The following ME3 variants were observed in gnomAD, a reference collection of about 807,000 sequenced individuals.
The protein encoded by ME3 is NADP-dependent malic enzyme, mitochondrial.
Under a neutral mutation model 68.9 loss-of-function variants are expected in ME3, and 48 were observed. The ratio of observed to expected loss-of-function variants is 0.70; its 90% CI spans 0.55 to 0.89. The LOEUF is 0.89. Among genes scored for constraint, ME3 ranks in the 40% least tolerant of loss-of-function variants. ME3 has a pLI of 0.00. For missense variants in ME3, 675 were observed against 797.4 expected, an observed-to-expected ratio of 0.85 and a Z score of 1.85; for synonymous variants, 320 against 318.8, an observed-to-expected ratio of 1.00 and a Z score of -0.04.
At chr11:86,547,499 G>A (rs1956436817) in intron 4 of ME3, among the ~76,000 whole-genome samples, 1 of 151,958 alleles carries the variant, frequency 6.6e-6, no homozygotes, top group African/African-American at 2.4e-5. Context: ...GGGGTTGGGG[G>A]AGTGATAGCA....
At chr11:86,483,537 G>T (rs922364611) in intron 7 of ME3, among the ~76,000 whole-genome samples, 1 of 151,076 alleles carries the variant, frequency 6.6e-6, no homozygotes, top group Non-Finnish European at 1.5e-5. Context: ...AGGGGAAAGA[G>T]AGAGAGAGAA....
chr11:86,560,815 A>G (rs1417147850), intron 2 of ME3, among the ~76,000 whole-genome samples: 2 of 146,640 alleles, frequency 1.4e-5, no homozygotes, highest in Admixed American at 6.9e-5. Context: ...TTTAGTCATC[A>G]TGTCTCCTTA....
intron 5 of ME3, among the ~76,000 whole-genome samples, chr11:86,499,307 A>G (rs1952567496): frequency 6.6e-6 from 1 of 152,186 alleles, no homozygotes; most frequent in South Asian, 2.1e-4. Flanking sequence ...ATGTCTAGCC[A>G]AGGAGAGCCC....
At chr11:86,563,279 A>G (rs1481582311) in intron 2 of ME3, among the ~76,000 whole-genome samples, 1 of 152,094 alleles carries the variant, frequency 6.6e-6, no homozygotes, top group Non-Finnish European at 1.5e-5. Flanking sequence ...TTTACATTAC[A>G]TTTACATTTA....
At chr11:86,661,625 CCATCTT>C (rs1946283370) in intron 2 of ME3, among the ~76,000 whole-genome samples, 1 of 152,212 alleles carries the variant, frequency 6.6e-6, no homozygotes. Flanking sequence ...TTCTCCTCCA[CCATCTT>C]CATCTACCAC....
chr11:86,603,220 A>G (rs1470425721), intron 2 of ME3, among the ~76,000 whole-genome samples: 3 of 152,182 alleles, frequency 2.0e-5, no homozygotes, highest in Admixed American at 6.5e-5. Flanking sequence ...GCTAATATCC[A>G]GAATCTACAA....
Position 86,589,584 on chromosome 11 carries a change from C to G in ME3, c.184-29761G>C, listed in dbSNP as rs372629842. Among the ~76,000 whole-genome samples, 7 of 152,320 alleles carry G rather than the reference C, an allele frequency of 4.6e-5. No individual in the cohort carries two copies. In the East Asian group the frequency reaches 1.3e-3, roughly 29 times the overall value. On this transcript the variant is annotated intron_variant, in intron 2 of 14. Coordinates refer to ENST00000543262, the Ensembl canonical transcript of ME3. Reference sequence around the variant, plus strand: ...GTGGTTTAATCCAGCTTTCATGATACTCATCTGTCTTAGACATTGGTCTTC... The same window carrying G: ...GTGGTTTAATCCAGCTTTCATGATAGTCATCTGTCTTAGACATTGGTCTTC...
At chr11:86,630,780 C>A (rs1346286671) in intron 2 of ME3, among the ~76,000 whole-genome samples, 1 of 152,200 alleles carries the variant, frequency 6.6e-6, no homozygotes, top group Admixed American at 6.5e-5. Context: ...ACATTAGAAA[C>A]CCGAGTCAGG....
At chr11:86,440,663 C>G (rs972089782), downstream of ME3, among the ~76,000 whole-genome samples, 1 of 152,218 alleles carries the variant, frequency 6.6e-6, no homozygotes, top group Non-Finnish European at 1.5e-5. Context: ...GTTAGCCACT[C>G]AGCCTTCACA....
intron 2 of ME3, among the ~76,000 whole-genome samples, chr11:86,626,488 A>T (rs1943673837): frequency 6.6e-6 from 1 of 152,194 alleles, no homozygotes. Context: ...CCCTCTCCTC[A>T]GAAGTCTGGG....
chr11:86,632,959 G>C (rs1012524457), intron 2 of ME3, among the ~76,000 whole-genome samples: 2 of 152,312 alleles, frequency 1.3e-5, no homozygotes, highest in Middle Eastern at 3.4e-3. Flanking sequence ...CAGCTGGATG[G>C]CAGCACTTAG....
intron 2 of ME3, among the ~76,000 whole-genome samples, chr11:86,630,891 G>A (rs534719954): frequency 6.6e-6 from 1 of 152,258 alleles, no homozygotes; most frequent in Admixed American, 6.5e-5. Flanking sequence ...CTAATCAGGA[G>A]CCCCTGAGGA....
chr11:86,458,076 A>C (rs561783831), intron 8 of ME3, among the ~76,000 whole-genome samples: 1 of 152,292 alleles, frequency 6.6e-6, no homozygotes, highest in East Asian at 1.9e-4. Flanking sequence ...CTGGATCCCT[A>C]TTGGGACAGA....
At chr11:86,631,469 C>T (rs987680614) in intron 2 of ME3, among the ~76,000 whole-genome samples, 5 of 152,138 alleles carry the variant, frequency 3.3e-5, no homozygotes, top group South Asian at 4.2e-4. Context: ...ATAAGAAAAC[C>T]GTGGGCAATG....
At chr11:86,540,941 G>C (rs1052715413) in intron 4 of ME3, among the ~76,000 whole-genome samples, 3 of 152,174 alleles carry the variant, frequency 2.0e-5, no homozygotes, top group Non-Finnish European at 4.4e-5. Context: ...GAGGTACCTG[G>C]CTCATCTCAT....
chr11:86,561,349 G>A (rs1957225056), intron 2 of ME3, among the ~76,000 whole-genome samples: 1 of 152,108 alleles, frequency 6.6e-6, no homozygotes, highest in East Asian at 1.9e-4. Flanking sequence ...TCAGAGCATG[G>A]TATTAGAAGG....
intron 7 of ME3, among the ~76,000 whole-genome samples, chr11:86,467,611 A>G (rs1950546149): frequency 6.6e-6 from 1 of 151,994 alleles, no homozygotes; most frequent in African/African-American, 2.4e-5. Context: ...AGACAACAAA[A>G]CAATGTGATG....
chr11:86,589,520 G>A (rs1464654016), intron 2 of ME3, among the ~76,000 whole-genome samples: 2 of 152,156 alleles, frequency 1.3e-5, no homozygotes, highest in Admixed American at 6.5e-5. Flanking sequence ...GTGGGAAAAG[G>A]CATGTCAGGA....
chr11:86,477,185 T>C (rs896305951), intron 7 of ME3, among the ~76,000 whole-genome samples: 9 of 152,168 alleles, frequency 5.9e-5, no homozygotes, highest in African/African-American at 2.2e-4. Flanking sequence ...AGTCACTCGT[T>C]GATAAGTGTT....
Sources: allele counts gnomAD v4.1 joint callset (sites outside exome capture counted in the v4.1 genomes callset), GRCh38; gene constraint gnomAD v4.1.1; transcripts MANE v1.5; gene names NCBI Gene and HGNC (gene_info 2026-07-23, HGNC 2026-07-21).